Variants in SGCZ observed in about 807,000 individuals in gnomAD.
SGCZ encodes zeta-sarcoglycan.
Under a neutral mutation model 41.3 loss-of-function variants are expected in SGCZ, and 40 were observed. The ratio of observed to expected loss-of-function variants is 0.97; its 90% CI spans 0.75 to 1.26. The LOEUF (loss-of-function observed/expected upper bound fraction) is 1.26, where lower values mean the gene tolerates loss of function less well. Ranked by LOEUF, SGCZ falls within the 50% of genes most tolerant of loss-of-function variation. The pLI, the probability that SGCZ is intolerant of heterozygous loss-of-function variation, is 0.00. For synonymous variants in SGCZ, 206 were observed against 137.5 expected (o/e 1.50, Z -3.49); for missense variants, 552 against 369.8 (o/e 1.49, Z -4.04).
At chr8:15,037,268 T>C (rs1803908268) in intron 1 of SGCZ, among the ~76,000 whole-genome samples, 1 of 152,204 alleles carries the variant, frequency 6.6e-6, no homozygotes, top group Non-Finnish European at 1.5e-5. Context: ...GAGTGAGTTC[T>C]CACAAAATCT....
chr8:15,058,530 C>T (rs921325163), intron 1 of SGCZ, among the ~76,000 whole-genome samples: 1 of 152,136 alleles, frequency 6.6e-6, no homozygotes, highest in Non-Finnish European at 1.5e-5. Context: ...TTCCATGCAC[C>T]TTAAGCTGAT....
In SGCZ at chr8:14,801,547, C is replaced by G. The variant is rs896508922; in HGVS notation, c.40-246621G>C. 1.2e-4 allele frequency among the ~76,000 whole-genome samples: 18 copies of G among 151,992 alleles called. 1 individual carries two copies. Among genetic ancestry groups the G allele is most frequent in the Admixed American group, 9.8e-4 (15 of 15,268 alleles). On this transcript the variant is annotated intron_variant, in intron 1 of 7. Transcript: ENST00000382080. ...TGTTTATTTTCACCTTGTTTACTTC[C>G]AGGGAAAGAACAGATCGTAAAGTAA...
chr8:14,905,711 C>T (rs1393599154), intron 1 of SGCZ, among the ~76,000 whole-genome samples: 1 of 151,568 alleles, frequency 6.6e-6, no homozygotes. Context: ...TGAAGATATA[C>T]ATAGGTAAAG....
chr8:15,130,612 G>T (rs554580193), intron 1 of SGCZ, among the ~76,000 whole-genome samples: 3 of 152,100 alleles, frequency 2.0e-5, no homozygotes, highest in Non-Finnish European at 2.9e-5. Context: ...ATTATCACTC[G>T]TTTATTTACT....
At chr8:15,229,664 T>C (rs1199858239) in intron 1 of SGCZ, among the ~76,000 whole-genome samples, 2 of 152,254 alleles carry the variant, frequency 1.3e-5, no homozygotes, top group Non-Finnish European at 2.9e-5. Flanking sequence ...AATTAGTTTC[T>C]CCTTCTGTTT....
chr8:14,122,412 A>G (rs924417275), intron 5 of SGCZ, among the ~76,000 whole-genome samples: 15 of 152,190 alleles, frequency 9.9e-5, no homozygotes, highest in Admixed American at 2.6e-4. Context: ...AAATAATTCA[A>G]TTTCAAGGAA....
At chr8:14,534,956 T>C (rs1444260238) in intron 2 of SGCZ, among the ~76,000 whole-genome samples, 1 of 152,030 alleles carries the variant, frequency 6.6e-6, no homozygotes, top group Non-Finnish European at 1.5e-5. Context: ...AAATCGATAA[T>C]GCAAGAATGA....
At chr8:14,308,992 C>A in intron 3 of SGCZ, 1 of 895,022 alleles carries the variant, frequency 1.1e-6, no homozygotes, top group Non-Finnish European at 1.7e-6. Context: ...GAATTCCAAA[C>A]CGCACCCGGC....
intron 4 of SGCZ, among the ~76,000 whole-genome samples, chr8:14,178,516 G>A (rs1014993600): frequency 6.6e-6 from 1 of 152,172 alleles, no homozygotes; most frequent in Non-Finnish European, 1.5e-5. Flanking sequence ...GCTTTCTCAT[G>A]ACTAGAGTTC....
chr8:14,482,143 G>A (rs532175833), intron 2 of SGCZ, among the ~76,000 whole-genome samples: 1 of 152,236 alleles, frequency 6.6e-6, no homozygotes, highest in African/African-American at 2.4e-5. Context: ...GTGATCCAGG[G>A]ACTGACTGAC....
At chr8:14,346,874 CCTTTTTTT>C (rs1297411031) in intron 2 of SGCZ, among the ~76,000 whole-genome samples, 2 of 151,900 alleles carry the variant, frequency 1.3e-5, no homozygotes, top group African/African-American at 4.8e-5. Context: ...TAGGGCGTTT[CCTTTTTTT>C]CTTTCCCATC....
intron 1 of SGCZ, among the ~76,000 whole-genome samples, chr8:14,574,005 A>T (rs1326258730): frequency 1.3e-5 from 2 of 152,128 alleles, no homozygotes; most frequent in African/African-American, 4.8e-5. Context: ...GTGCTTAGTC[A>T]TTGAAACTCC....
intron 1 of SGCZ, among the ~76,000 whole-genome samples, chr8:15,003,044 C>T (rs568003163): frequency 8.5e-5 from 13 of 152,180 alleles, no homozygotes; most frequent in South Asian, 4.2e-4. Context: ...CTTCACTTTT[C>T]GCCGTGATTG....
intron 3 of SGCZ, among the ~76,000 whole-genome samples, chr8:14,243,574 C>T (rs1798968235): frequency 6.6e-6 from 1 of 152,176 alleles, no homozygotes; most frequent in African/African-American, 2.4e-5. Flanking sequence ...CACAATGTGA[C>T]CCAATTCTAC....
chr8:14,518,354 G>A (rs1290689398), intron 2 of SGCZ, among the ~76,000 whole-genome samples: 1 of 151,944 alleles, frequency 6.6e-6, no homozygotes, highest in East Asian at 1.9e-4. Context: ...ATGTATGTGT[G>A]TATACATACA....
chr8:15,008,669 G>A (rs1397265213), intron 1 of SGCZ, among the ~76,000 whole-genome samples: 1 of 87,552 alleles, frequency 1.1e-5, no homozygotes, highest in African/African-American at 5.6e-5. Flanking sequence ...AGATGGGAGG[G>A]GAGGAGATGG....
rs570079461 is a variant in SGCZ at position 14,977,813 on chromosome 8, T to C, written c.39+259772A>G. On this transcript the variant is annotated intron_variant, in intron 1 of 7. Transcript: ENST00000382080. ...AAAAGCTATCTATGATTTTAAGAGA[T>C]ATATTTTTCTAAAAATATTCATCAT... Among the ~76,000 whole-genome samples the C allele has an allele frequency of 5.3e-5, 8 of 152,216 alleles. No homozygotes were observed. In the East Asian group the frequency reaches 9.7e-4, roughly 18 times the overall value.
chr8:14,467,942 T>A (rs1310361921), intron 2 of SGCZ, among the ~76,000 whole-genome samples: 1 of 152,024 alleles, frequency 6.6e-6, no homozygotes, highest in African/African-American at 2.4e-5. Context: ...TACTTAAATA[T>A]TATTTTGAAA....
intron 2 of SGCZ, among the ~76,000 whole-genome samples, chr8:14,333,853 C>A (rs746001315): frequency 6.6e-6 from 1 of 152,010 alleles, no homozygotes; most frequent in East Asian, 1.9e-4. Flanking sequence ...AGCATGGAGT[C>A]TCAAAAATAG....
Sources: allele counts gnomAD v4.1 joint callset (sites outside exome capture counted in the v4.1 genomes callset), GRCh38; gene constraint gnomAD v4.1.1; transcripts MANE v1.5; gene names NCBI Gene and HGNC (gene_info 2026-07-23, HGNC 2026-07-21).